The following CLCNKA variants were observed in gnomAD, a reference collection of about 807,000 sequenced individuals.
CLCNKA encodes the protein chloride channel protein ClC-Ka.
CLCNKA carries 66 observed loss-of-function variants against 83.3 expected under a neutral mutation model. The observed-to-expected ratio is 0.79, with a 90% CI of 0.65 to 0.97. The LOEUF (loss-of-function observed/expected upper bound fraction) is 0.97, where lower values mean the gene tolerates loss of function less well. Among genes scored for constraint, CLCNKA ranks in the 50% least tolerant of loss-of-function variants. The probability of loss-of-function intolerance (pLI) is 0.00; values close to 1 mark genes in which losing one functional copy is unlikely to be tolerated. For synonymous variants in CLCNKA, 357 were observed against 370.4 expected (o/e 0.96, Z 0.42); for missense variants, 806 against 888.7 (o/e 0.91, Z 1.18).
chr1:16,027,514 T>C (rs1181180854), intron 8 of CLCNKA, 79 bp downstream of exon 8: 33 of 1,580,536 alleles, frequency 2.1e-5, no homozygotes, highest in East Asian at 2.2e-5. Context: ...TCTGTGTACA[T>C]CTCTTGCTCT....
In CLCNKA at chr1:16,029,720, C is replaced by A. The variant is rs368912741; in HGVS notation, c.1228-11C>A. The A allele has an allele frequency of 6.6e-5, 106 of 1,614,036 alleles. No homozygotes were observed. Among genetic ancestry groups the A allele is most frequent in the Non-Finnish European group, 8.7e-5 (103 of 1,180,042 alleles). On this transcript the variant is annotated splice_polypyrimidine_tract_variant and intron_variant, in intron 12 of 19. Coordinates refer to ENST00000331433, the MANE Select transcript of CLCNKA (RefSeq NM_004070.4). Reference sequence around the variant, plus strand: ...CCTCTAACCTCTGCCCTGGGCTCCCCCTTCCTGCAGTTCTGGATGCTGATT... The same window carrying A: ...CCTCTAACCTCTGCCCTGGGCTCCCACTTCCTGCAGTTCTGGATGCTGATT...
chr1:16,031,882 G>C, intron 16 of CLCNKA, 39 bp downstream of exon 16: 1 of 1,612,902 alleles, frequency 6.2e-7, no homozygotes, highest in South Asian at 1.1e-5. Context: ...GGGGGTAGGG[G>C]ATGCCCTCTG....
chr1:16,027,326 C>G lies in CLCNKA; in HGVS notation c.672C>G (p.Ile224Met). 1 of 1,613,390 alleles carries G rather than the reference C, an allele frequency of 6.2e-7. No individual in the cohort carries two copies. The highest frequency in any genetic ancestry group is 8.5e-7 in the Non-Finnish European group (1 of 1,179,978). The change falls in exon 8 of 20, where the codon ATC (isoleucine) becomes ATG (methionine). Residue 224 changes from isoleucine to methionine, a missense_variant. Coordinates refer to ENST00000331433, the MANE Select transcript of CLCNKA (RefSeq NM_004070.4). ...AAPFSGVLFS[I>M]EVMSSHFSVR... Reference sequence around the variant, plus strand: ...CGCCCCCAGGCGTCCTGTTCAGCATCGAGGTCATGTCTTCCCACTTCTCTG... The same window carrying G: ...CGCCCCCAGGCGTCCTGTTCAGCATGGAGGTCATGTCTTCCCACTTCTCTG...
At chr1:16,027,682 G>T (rs1570303020) in intron 8 of CLCNKA, 139 bp from the exon 9 acceptor site, 11 of 1,546,456 alleles carry the variant, frequency 7.1e-6, no homozygotes, top group Middle Eastern at 2.0e-4. Flanking sequence ...CAAGAGCCTG[G>T]TTGTGGGGGC....
chr1:16,029,380 G>T, intron 12 of CLCNKA, 81 bp downstream of exon 12: 3 of 1,596,928 alleles, frequency 1.9e-6, no homozygotes, highest in Non-Finnish European at 2.6e-6. Flanking sequence ...CCTGCACCTG[G>T]TGGCATGGAG....
Position 16,029,271 on chromosome 1 carries a change from G to A in CLCNKA, c.1199G>A (p.Gly400Glu). The A allele has an allele frequency of 6.2e-7, 1 of 1,613,898 alleles. No homozygotes were observed. Residue 400 changes from glycine (G) to glutamate (E), a missense_variant, in exon 12 of 20, where the codon GGG (glycine) becomes GAG (glutamate). Physicochemically the swap from Gly to Glu is moderately conservative, Grantham distance 98. Coordinates refer to ENST00000331433, the MANE Select transcript of CLCNKA (RefSeq NM_004070.4). ...TACCACCCGCGGTTCACCATCTTTGGGACCCTTGCCTTCTTCCTGGTTATG... is the reference window on the plus strand; with the variant it reads ...TACCACCCGCGGTTCACCATCTTTGAGACCCTTGCCTTCTTCCTGGTTATG... ...EWYHPRFTIFGTLAFFLVMKF... is the reference protein window; with the variant it reads ...EWYHPRFTIFETLAFFLVMKF...
Sources: allele counts gnomAD v4.1 joint callset, GRCh38; gene constraint gnomAD v4.1.1; transcripts MANE v1.5; gene names NCBI Gene and HGNC (gene_info 2026-07-23, HGNC 2026-07-21).